Variants in PDSS2 observed in about 807,000 individuals in gnomAD.
The protein encoded by PDSS2 is decaprenyl diphosphate synthase subunit 2.
A neutral mutation model predicts 44.5 loss-of-function variants in PDSS2; 31 were observed. The observed-to-expected ratio is 0.70, with a 90% confidence interval of 0.52 to 0.94. The LOEUF (loss-of-function observed/expected upper bound fraction) is 0.94. Among genes scored for constraint, PDSS2 ranks in the 40% least tolerant of loss-of-function variants. The pLI is 0.00. For missense variants in PDSS2, 452 were observed against 482.2 expected (o/e 0.94, Z 0.59); for synonymous variants, 157 against 180.3 (o/e 0.87, Z 1.03).
intron 2 of PDSS2, among the ~76,000 whole-genome samples, chr6:107,275,464 A>G (rs1249370140): frequency 2.0e-5 from 3 of 152,042 alleles, no homozygotes; most frequent in African/African-American, 7.2e-5. Flanking sequence ...ATCCCCTTCC[A>G]TGCCTGGCCA....
At chr6:107,353,166 A>G (rs1158918864) in intron 1 of PDSS2, among the ~76,000 whole-genome samples, 3 of 151,156 alleles carry the variant, frequency 2.0e-5, no homozygotes, top group Admixed American at 6.6e-5. Context: ...TAAGACACTG[A>G]AAAAAAAAGA....
intron 1 of PDSS2, among the ~76,000 whole-genome samples, chr6:107,441,585 T>C (rs909050770): frequency 1.3e-5 from 2 of 152,176 alleles, no homozygotes; most frequent in African/African-American, 2.4e-5. Context: ...GTCCTAGACA[T>C]GACAATAAGT....
chr6:107,257,436 G>T lies in PDSS2; in HGVS notation c.631-11817C>A, dbSNP rs114527759. Among the ~76,000 whole-genome samples, 665 of 152,016 alleles carry T rather than the reference G, an allele frequency of 4.4e-3. 6 individuals carry two copies. The highest frequency in any genetic ancestry group is 0.015 in the African/African-American group (640 of 41,442). The stretch of plus-strand genomic sequence containing the variant: ...CGCTGTAGTCCCAGCTACTCAGGAG[G>T]CTGAGGTGGAGGATTACCTGAGCCT... On this transcript the variant is annotated intron_variant, in intron 3 of 7. Coordinates refer to ENST00000369037, the MANE Select transcript of PDSS2 (RefSeq NM_020381.4).
chr6:107,409,014 G>A (rs1421962074), intron 1 of PDSS2, among the ~76,000 whole-genome samples: 5 of 152,138 alleles, frequency 3.3e-5, no homozygotes, highest in Non-Finnish European at 7.3e-5. Flanking sequence ...AAACTGAAAA[G>A]GCAATTTTCT....
intron 1 of PDSS2, among the ~76,000 whole-genome samples, chr6:107,441,826 C>CAA (rs1431789739): frequency 6.6e-6 from 1 of 152,144 alleles, no homozygotes; most frequent in Non-Finnish European, 1.5e-5. Flanking sequence ...CAGTAGCTTA[C>CAA]TCCCCAGCTG....
intron 1 of PDSS2, among the ~76,000 whole-genome samples, chr6:107,403,211 C>T (rs909490497): frequency 6.6e-6 from 1 of 152,138 alleles, no homozygotes; most frequent in African/African-American, 2.4e-5. Flanking sequence ...CATGCAAGTC[C>T]GAAATCCAAC....
intron 1 of PDSS2, among the ~76,000 whole-genome samples, chr6:107,418,699 T>A (rs1288778019): frequency 1.3e-5 from 2 of 152,062 alleles, no homozygotes; most frequent in Non-Finnish European, 2.9e-5. Context: ...CGCTTGAACC[T>A]GGGAGGAGGT....
chr6:107,344,359 T>C (rs2115301780), intron 1 of PDSS2, among the ~76,000 whole-genome samples: 1 of 152,186 alleles, frequency 6.6e-6, no homozygotes, highest in Non-Finnish European at 1.5e-5. Flanking sequence ...AACTGGAGGT[T>C]AATTTCCATG....
At chr6:107,168,422 CTT>C (rs1177999278) in intron 7 of PDSS2, among the ~76,000 whole-genome samples, 1 of 152,066 alleles carries the variant, frequency 6.6e-6, no homozygotes, top group Admixed American at 6.6e-5. Flanking sequence ...GGTCTTGACT[CTT>C]TATCCAATTT....
chr6:107,266,242 TCA>T (rs1164380331), intron 3 of PDSS2, among the ~76,000 whole-genome samples: 1 of 152,192 alleles, frequency 6.6e-6, no homozygotes, highest in Non-Finnish European at 1.5e-5. Context: ...CACAATCTCC[TCA>T]GTTTAAAATA....
chr6:107,331,950 C>T (rs1002808720), intron 2 of PDSS2, among the ~76,000 whole-genome samples: 5 of 151,874 alleles, frequency 3.3e-5, no homozygotes, highest in Admixed American at 6.6e-5. Flanking sequence ...AATTCCTAAC[C>T]GAAAACAGAG....
At chr6:107,401,399 C>T (rs2114589996) in intron 1 of PDSS2, among the ~76,000 whole-genome samples, 1 of 151,950 alleles carries the variant, frequency 6.6e-6, no homozygotes, top group Non-Finnish European at 1.5e-5. Flanking sequence ...TCATCATAGA[C>T]ACACCCTCAA....
chr6:107,205,983 A>C (rs1772961350), intron 6 of PDSS2, among the ~76,000 whole-genome samples: 1 of 152,240 alleles, frequency 6.6e-6, no homozygotes, highest in Non-Finnish European at 1.5e-5. Context: ...AGAGTAAAGA[A>C]GTAATTTTAA....
intron 2 of PDSS2, among the ~76,000 whole-genome samples, chr6:107,306,526 CG>C (rs1308120286): frequency 1.3e-5 from 2 of 152,086 alleles, no homozygotes; most frequent in African/African-American, 4.8e-5. Context: ...AGCATGAAAA[CG>C]GACTAATACA....
At chr6:107,412,512 T>C (rs1299596919) in intron 1 of PDSS2, among the ~76,000 whole-genome samples, 3 of 152,214 alleles carry the variant, frequency 2.0e-5, no homozygotes, top group African/African-American at 7.2e-5. Flanking sequence ...AGTGCTGGGA[T>C]TACAGGTGTG....
chr6:107,411,751 G>C (rs1780500855), intron 1 of PDSS2, among the ~76,000 whole-genome samples: 1 of 151,858 alleles, frequency 6.6e-6, no homozygotes, highest in Admixed American at 6.6e-5. Context: ...ATGTGCAAAG[G>C]TTATACACAA....
At chr6:107,372,732 G>A (rs528927282) in intron 1 of PDSS2, among the ~76,000 whole-genome samples, 39 of 152,256 alleles carry the variant, frequency 2.6e-4, no homozygotes, top group Non-Finnish European at 4.6e-4. Flanking sequence ...GATTACAGGC[G>A]TGAGCCACTG....
Position 107,155,920 on chromosome 6 carries a change from C to T in PDSS2, c.1042-1143G>A, listed in dbSNP as rs559454886. ...TTTTTTTTTTTTTGAGACAAAGTTT[C>T]GCTCTGTCATCCAGGCTGGAGTGCA... On this transcript the variant is annotated intron_variant, in intron 7 of 7. Transcript: ENST00000369037. Among the ~76,000 whole-genome samples, 3 of 95,350 alleles carry T rather than the reference C, an allele frequency of 3.1e-5. No individual in the cohort carries two copies. In the South Asian group the frequency reaches 1.2e-3, roughly 37 times the overall value. 62.6% of individuals were successfully genotyped at this position (95,350 alleles called of 152,430 possible).
At chr6:107,211,964 A>T in intron 5 of PDSS2, 145 bp downstream of exon 5, 1 of 707,836 alleles carries the variant, frequency 1.4e-6, no homozygotes, top group Non-Finnish European at 2.5e-6. Flanking sequence ...TTTACATTAC[A>T]TAACAATCAT....
Sources: gnomAD v4.1 joint callset for allele counts (sites outside exome capture counted in the v4.1 genomes callset) on GRCh38, gnomAD v4.1.1 for gene constraint, MANE v1.5 for transcripts, NCBI Gene and HGNC (gene_info 2026-07-23, HGNC 2026-07-21) for gene names.